TMTC4: variants seen among roughly 807,000 people sequenced by gnomAD.
TMTC4 encodes the protein protein O-mannosyl-transferase TMTC4.
TMTC4 carries 65 observed loss-of-function variants against 86.0 expected under a neutral mutation model. The observed-to-expected ratio is 0.76, with a 90% CI of 0.62 to 0.93. The LOEUF is 0.93. Ranked by LOEUF, TMTC4 falls within the 40% of genes least tolerant of loss-of-function variation. The pLI is 0.00. For synonymous variants in TMTC4, 379 were observed against 382.5 expected, an observed-to-expected ratio of 0.99 and a Z score of 0.11; for missense variants, 866 against 948.1, an observed-to-expected ratio of 0.91 and a Z score of 1.14.
At position 100,663,084 on chromosome 13, in the gene TMTC4, G is replaced by A. The variant is rs1215963673; in HGVS notation, c.432C>T (p.Val144=). Residue 144 remains valine (V), a synonymous_variant, in exon 5 of 19, where the codon GTC becomes GTT. Coordinates refer to ENST00000342624, the MANE Select transcript of TMTC4 (RefSeq NM_032813.5). ...HSGISVLMVD[V]FSVLFGGLQY... ...GCAGGCCGCCAAACAGAACCGAGAAGACGTCCACCATGAGGACAGAGATGC... is the reference window on the plus strand; with the variant it reads ...GCAGGCCGCCAAACAGAACCGAGAAAACGTCCACCATGAGGACAGAGATGC... The A allele has an allele frequency of 6.2e-7, 1 of 1,614,230 alleles. No individual in the cohort carries two copies. Among genetic ancestry groups the A allele is most frequent in the Non-Finnish European group, 8.5e-7 (1 of 1,180,042 alleles).
chr13:100,669,564 A>T (rs1409269052), intron 2 of TMTC4, among the ~76,000 whole-genome samples: 2 of 152,158 alleles, frequency 1.3e-5, no homozygotes, highest in Non-Finnish European at 2.9e-5. Context: ...TTTCTTTCAA[A>T]TGGGCATAAT....
chr13:100,664,053 C>T (rs770179090), intron 4 of TMTC4, among the ~76,000 whole-genome samples, 168 bp downstream of exon 4: 1 of 152,136 alleles, frequency 6.6e-6, no homozygotes, highest in Non-Finnish European at 1.5e-5. Flanking sequence ...ACAGGGGCCA[C>T]GCTGGCCTTC....
chr13:100,649,804 TTAA>T (rs1884209274), intron 6 of TMTC4, among the ~76,000 whole-genome samples: 1 of 151,214 alleles, frequency 6.6e-6, no homozygotes, highest in Non-Finnish European at 1.5e-5. Flanking sequence ...TAAAAATTAC[TTAA>T]TATTTAAAAA....
intron 12 of TMTC4, among the ~76,000 whole-genome samples, chr13:100,626,487 T>C (rs907507279): frequency 1.3e-5 from 2 of 152,222 alleles, no homozygotes; most frequent in African/African-American, 2.4e-5. Context: ...TCTTGCTATG[T>C]TGCCCAGGCT....
intron 10 of TMTC4, among the ~76,000 whole-genome samples, chr13:100,636,142 A>G (rs543781521): frequency 2.2e-4 from 33 of 152,352 alleles, no homozygotes; most frequent in South Asian, 8.3e-4. Flanking sequence ...CAGCTACAAC[A>G]GAGGGAATCA....
intron 1 of TMTC4, among the ~76,000 whole-genome samples, chr13:100,671,439 TA>T (rs142588792): frequency 0.016 from 2,419 of 152,288 alleles, 66 homozygotes; most frequent in African/African-American, 0.054. Context: ...GCTTAGAACA[TA>T]AACGTGTTCT....
chr13:100,630,041 GTGTGTGTGTGTGTGTGTGTGTGTGTA>G (rs1881132620), intron 12 of TMTC4, among the ~76,000 whole-genome samples: 2 of 150,834 alleles, frequency 1.3e-5, no homozygotes, highest in Non-Finnish European at 3.0e-5. Flanking sequence ...GTGTGTGTGT[GTGTGTGTGTGTGTGTGTGTGTGTGTA>G]TGTGTGTGTG....
At chr13:100,609,680 T>TACAC (rs60083702) in intron 17 of TMTC4, among the ~76,000 whole-genome samples, 11,967 of 150,760 alleles carry the variant, frequency 0.079, 1,451 homozygotes, top group African/African-American at 0.26. Flanking sequence ...TGTATATATA[T>TACAC]ACACACACAC....
chr13:100,657,737 A>C (rs1402005474), intron 5 of TMTC4, among the ~76,000 whole-genome samples: 1 of 152,246 alleles, frequency 6.6e-6, no homozygotes, highest in East Asian at 1.9e-4. Context: ...TCTATAAATC[A>C]AGATAAGAAA....
chr13:100,635,385 A>G (rs17475584), intron 10 of TMTC4, among the ~76,000 whole-genome samples, 190 bp from the exon 11 acceptor site: 26,953 of 152,162 alleles, frequency 0.18, 2,747 homozygotes, highest in Admixed American at 0.24. Context: ...ATAAGGCACA[A>G]AAATATTCCT....
At position 100,637,621 on chromosome 13, in the gene TMTC4, G is replaced by T; in HGVS notation, c.916C>A (p.Arg306Ser). 6.2e-7 allele frequency: 1 copy of T among 1,614,162 alleles called. No individual in the cohort carries two copies. The highest frequency in any genetic ancestry group is 1.3e-5 in the African/African-American group (1 of 75,042). The change falls in exon 9 of 19, where the codon CGC becomes AGC. Residue 306 changes from arginine (R) to serine (S), a missense_variant. Arg to Ser is a moderately radical substitution (Grantham distance 110, BLOSUM62 -1). Transcript: ENST00000342624. Reference protein sequence around the residue: ...TSGGAGMLYVRWRIMGTGPPA... With the variant: ...TSGGAGMLYVSWRIMGTGPPA... ...GGGCCCGTGCCCATGATCCTCCAGC[G>T]CACGTAGAGCATCCCAGCCCCTCCA... is the stretch of plus-strand genomic sequence containing the variant.
intron 17 of TMTC4, among the ~76,000 whole-genome samples, chr13:100,608,440 A>G (rs1877006133): frequency 6.6e-6 from 1 of 152,218 alleles, no homozygotes; most frequent in Non-Finnish European, 1.5e-5. Flanking sequence ...CAAGATTTCC[A>G]AGCCAGGGCA....
rs147548217 is a variant in TMTC4, at chr13:100,636,624, G to A, written c.1110C>T (p.Ser370=). ...MGCIPLIKSI[S]DWRVIALAAL... ...CTGCAAGTGCAATTACCCTCCAGTC[G>A]CTGATGGACTTAATGAGGGGGATGC... Residue 370 remains serine, a synonymous_variant, in exon 10 of 19, where the codon AGC becomes AGT. Transcript: ENST00000342624. The A allele has an allele frequency of 3.0e-5, 49 of 1,614,066 alleles. No individual in the cohort carries two copies. The highest frequency in any genetic ancestry group is 9.3e-5 in the African/African-American group (7 of 74,914).
intron 17 of TMTC4, among the ~76,000 whole-genome samples, chr13:100,608,434 A>G (rs1447211281): frequency 2.0e-5 from 3 of 152,160 alleles, no homozygotes; most frequent in African/African-American, 7.2e-5. Context: ...ATGAGTCAAG[A>G]TTTCCAAGCC....
chr13:100,666,956 C>G (rs371848510), intron 3 of TMTC4, among the ~76,000 whole-genome samples: 3 of 152,228 alleles, frequency 2.0e-5, no homozygotes, highest in Non-Finnish European at 4.4e-5. Flanking sequence ...CACCACTGCA[C>G]TCCAGCCTGG....
intron 5 of TMTC4, among the ~76,000 whole-genome samples, chr13:100,660,128 C>T (rs1252376312): frequency 6.6e-6 from 1 of 151,396 alleles, no homozygotes; most frequent in Non-Finnish European, 1.5e-5. Flanking sequence ...GCCAAGAGTT[C>T]GACACCAGCC....
In TMTC4 at chr13:100,625,836, C is replaced by T. The variant is rs1031305663; in HGVS notation, c.1643G>A (p.Arg548Lys). The change falls in exon 14 of 19, where the codon AGG becomes AAG. Residue 548 changes from arginine to lysine, a missense_variant. Transcript: ENST00000342624. ...MNNLGNILKE[R>K]NELQEAEELL... ...CTCCTCAGCTTCCTGTAGCTCATTCCTTTCTTTTAAGATATTTCCAAGATT... is the reference window on the plus strand; with the variant it reads ...CTCCTCAGCTTCCTGTAGCTCATTCTTTTCTTTTAAGATATTTCCAAGATT... 3 of 1,613,674 alleles carry T rather than the reference C, an allele frequency of 1.9e-6. No individual in the cohort carries two copies. The highest frequency in any genetic ancestry group is 1.7e-6 in the Non-Finnish European group (2 of 1,180,006).
intron 6 of TMTC4, among the ~76,000 whole-genome samples, chr13:100,643,458 G>A (rs954712773): frequency 5.2e-4 from 79 of 152,234 alleles, no homozygotes; most frequent in Non-Finnish European, 5.4e-4. Context: ...GGATATATTC[G>A]AAAGGAAAAA....
intron 6 of TMTC4, among the ~76,000 whole-genome samples, chr13:100,651,323 A>T (rs1010903600): frequency 6.6e-6 from 1 of 152,166 alleles, no homozygotes; most frequent in African/African-American, 2.4e-5. Flanking sequence ...TTGTAAGAAT[A>T]ACACTTTTTG....
Sources: allele counts gnomAD v4.1 joint callset (sites outside exome capture counted in the v4.1 genomes callset), GRCh38; gene constraint gnomAD v4.1.1; transcripts MANE v1.5; gene names NCBI Gene and HGNC (gene_info 2026-07-23, HGNC 2026-07-21).